The following USP24 variants were observed in gnomAD, a reference collection of about 807,000 sequenced individuals.
USP24 encodes the protein ubiquitin carboxyl-terminal hydrolase 24.
In USP24, 97 loss-of-function variants were observed where a neutral mutation model predicts 361.6. The ratio of observed to expected loss-of-function variants is 0.27; its 90% CI spans 0.23 to 0.32. The LOEUF (loss-of-function observed/expected upper bound fraction) is 0.32. Ranked by LOEUF, USP24 falls within the 10% of genes least tolerant of loss-of-function variation. USP24 has a pLI of 1.00. For synonymous variants in USP24, 1,098 were observed against 1,124.6 expected (o/e 0.98, Z 0.47); for missense variants, 2,353 against 3,165.6 (o/e 0.74, Z 6.16).
chr1:55,079,992 C>G (rs980021104), intron 59 of USP24, among the ~76,000 whole-genome samples: 1 of 152,010 alleles, frequency 6.6e-6, no homozygotes, highest in African/African-American at 2.4e-5. Context: ...GGGGGGATAC[C>G]TAGTGATTCC....
rs1007185129 is a variant in USP24, at chr1:55,169,220, T to TA, written c.825+2335dup. 4.0e-4 allele frequency among the ~76,000 whole-genome samples: 60 copies of TA among 151,884 alleles called. 1 individual carries two copies. The highest frequency in any genetic ancestry group is 1.3e-3 in the African/African-American group (55 of 41,446). ...TTAAACAGCAAAGTAGATATAAATT[T>TA]AAAAAAAATCCGTGAATTGTACTAC... is the stretch of plus-strand genomic sequence containing the variant. On this transcript the variant is annotated intron_variant, in intron 5 of 67. Coordinates refer to ENST00000294383, the MANE Select transcript of USP24 (RefSeq NM_015306.3).
chr1:55,195,991 T>C lies in USP24; in HGVS notation c.325-17859A>G, dbSNP rs1419540792. Reference sequence around the variant, plus strand: ...AAAAAGGGGGGACCCAGCCTCATCATAGTGAAAGGTAGCCTACCAAATGAA... The same window carrying C: ...AAAAAGGGGGGACCCAGCCTCATCACAGTGAAAGGTAGCCTACCAAATGAA... On this transcript the variant is annotated intron_variant, in intron 1 of 67. Coordinates refer to ENST00000294383, the MANE Select transcript of USP24 (RefSeq NM_015306.3). Among the ~76,000 whole-genome samples the C allele has an allele frequency of 3.9e-5, 6 of 152,206 alleles. 1 individual carries two copies. The highest frequency in any genetic ancestry group is 7.3e-5 in the Non-Finnish European group (5 of 68,038).
intron 21 of USP24, 82 bp downstream of exon 21, chr1:55,144,045 A>C (rs1026096888): frequency 1.7e-6 from 2 of 1,193,420 alleles, no homozygotes; most frequent in African/African-American, 1.6e-5. Flanking sequence ...GTTATCTCTC[A>C]ATTATAACAC....
chr1:55,089,956 G>A (rs1232763804), intron 54 of USP24, among the ~76,000 whole-genome samples: 2 of 152,116 alleles, frequency 1.3e-5, no homozygotes, highest in African/African-American at 4.8e-5. Flanking sequence ...TTGGCTCCTT[G>A]TGGTGTGGCT....
In USP24 at chr1:55,154,743, A is replaced by G; in HGVS notation, c.1482T>C (p.His494=). 1.2e-6 allele frequency: 2 copies of G among 1,613,372 alleles called. No homozygotes were observed. Among genetic ancestry groups the G allele is most frequent in the Non-Finnish European group, 1.7e-6 (2 of 1,179,572 alleles). ...GQSSTVIENI[H]TIIAAAAVKF... Reference sequence around the variant, plus strand: ...TCACAGCCGCTGCAGCAATAATAGTATGAATGTTCTCAATCACAGTAGATG... The same window carrying G: ...TCACAGCCGCTGCAGCAATAATAGTGTGAATGTTCTCAATCACAGTAGATG... The change falls in exon 13 of 68, where the codon CAT becomes CAC. Residue 494 remains histidine, a synonymous_variant. Coordinates refer to ENST00000294383, the MANE Select transcript of USP24 (RefSeq NM_015306.3).
At position 55,094,131 on chromosome 1, in the gene USP24, A is replaced by G. The variant is rs748630428; in HGVS notation, c.6204-44T>C. ...AAACTCTGTCTAGTATAAAGTGGCT[A>G]TTTTTTCAGTAGTTACTAAGACTTG... is the stretch of plus-strand genomic sequence containing the variant. On this transcript the variant is annotated intron_variant, in intron 51 of 67. Transcript: ENST00000294383. 38 of 1,560,434 alleles carry G rather than the reference A, an allele frequency of 2.4e-5. No homozygotes were observed. In the South Asian group the frequency reaches 2.8e-4, roughly 12 times the overall value.
At chr1:55,107,972 T>C (rs1645838036) in intron 39 of USP24, among the ~76,000 whole-genome samples, 1 of 151,356 alleles carries the variant, frequency 6.6e-6, no homozygotes, top group Admixed American at 6.6e-5. Context: ...GGTTGCCTCC[T>C]CTGTGCAGGT....
chr1:55,127,467 T>C (rs966378175), intron 32 of USP24, among the ~76,000 whole-genome samples: 4 of 152,198 alleles, frequency 2.6e-5, no homozygotes, highest in African/African-American at 4.8e-5. Context: ...CAGTCTATCA[T>C]TGTTGGACAT....
chr1:55,084,618 T>G (rs936589972), intron 56 of USP24, among the ~76,000 whole-genome samples: 1 of 152,222 alleles, frequency 6.6e-6, no homozygotes, highest in African/African-American at 2.4e-5. Context: ...CCATCCATCC[T>G]GTCACACCCA....
At position 55,075,665 on chromosome 1, in the gene USP24, ACACCAC is replaced by A. The variant is rs141765069; in HGVS notation, c.7381-148_7381-143del. ...AACAACAACAACAACAACAACAACA[ACACCAC>A]CACCACCAATACAGGACGGGCATGG... On this transcript the variant is annotated intron_variant, in intron 62 of 67. Coordinates refer to ENST00000294383, the MANE Select transcript of USP24 (RefSeq NM_015306.3). The A allele has an allele frequency of 3.5e-3, 2,064 of 595,322 alleles. 27 individuals carry two copies. In the African/African-American group the frequency reaches 0.039, roughly 11 times the overall value. 36.9% of individuals were successfully genotyped at this position (595,322 alleles called of 1,614,324 possible).
In USP24 at chr1:55,137,526, C is replaced by T; in HGVS notation, c.3190G>A (p.Ala1064Thr). 6.2e-7 allele frequency: 1 copy of T among 1,613,064 alleles called. No homozygotes were observed. Reference protein sequence around the residue: ...SSSGVFSSSYAMEQEKSLPGV... With the variant: ...SSSGVFSSSYTMEQEKSLPGV... ...TGATCACCCAGTACCTGCTCCATGG[C>T]ATATGAAGAACTAAAAACCCCACTG... Residue 1064 changes from alanine to threonine, a missense_variant, in exon 28 of 68, where the codon GCC (alanine) becomes ACC (threonine). This residue lies in a region of USP24 where 949 missense variants were observed against 1,280.5 expected (regional missense o/e 0.74). Transcript: ENST00000294383.
At chr1:55,133,636 CTCTTT>C (rs1156387179) in intron 30 of USP24, among the ~76,000 whole-genome samples, 8 of 105,942 alleles carry the variant, frequency 7.6e-5, no homozygotes, top group South Asian at 3.7e-4. Context: ...TTCTCTCTCT[CTCTTT>C]TTTTTTTTTT....
intron 32 of USP24, among the ~76,000 whole-genome samples, chr1:55,127,344 T>A (rs1380913276): frequency 1.3e-5 from 2 of 152,182 alleles, no homozygotes; most frequent in Non-Finnish European, 2.9e-5. Flanking sequence ...TGCAATAGTT[T>A]ACTGAGAATG....
chr1:55,114,870 C>T (rs1646059493), intron 38 of USP24, among the ~76,000 whole-genome samples: 1 of 152,086 alleles, frequency 6.6e-6, no homozygotes. Flanking sequence ...AAAGCAATGG[C>T]AATTATATCC....
In USP24 at chr1:55,166,445, C is replaced by T. The variant is rs528506620; in HGVS notation, c.861+123G>A. 75 of 927,674 alleles carry T rather than the reference C, an allele frequency of 8.1e-5. No individual in the cohort carries two copies. In the African/African-American group the frequency reaches 1.3e-3, roughly 16 times the overall value. The allele number at this position is 927,674 out of a possible 1,614,324, so 57.5% of individuals were successfully genotyped here. The stretch of plus-strand genomic sequence containing the variant: ...AAAAAGGAAGAAAATATGAAATCCA[C>T]TCCTTAAAGCATTTTTTTTATTATT... On this transcript the variant is annotated intron_variant, in intron 6 of 67. Coordinates refer to ENST00000294383, the MANE Select transcript of USP24 (RefSeq NM_015306.3).
intron 32 of USP24, among the ~76,000 whole-genome samples, chr1:55,127,484 T>C (rs1193721679): frequency 1.3e-5 from 2 of 152,202 alleles, no homozygotes; most frequent in African/African-American, 4.8e-5. Flanking sequence ...ACATTTGGAT[T>C]GGTTCCAAGT....
intron 26 of USP24, 24 bp downstream of exon 26, chr1:55,138,584 C>T: frequency 1.3e-6 from 2 of 1,504,850 alleles, no homozygotes; most frequent in Middle Eastern, 1.7e-4. Context: ...ATGAAAATGG[C>T]TGTAGTTCTT....
Position 55,068,985 on chromosome 1 carries a change from C to T in USP24, c.*60G>A. ...TCCAAAGGGTTCGAGATTCTGATTCCAAGAAGGTGCTGAGCATCCAGTATT... is the reference window on the plus strand; with the variant it reads ...TCCAAAGGGTTCGAGATTCTGATTCTAAGAAGGTGCTGAGCATCCAGTATT... On this transcript the variant is annotated 3_prime_UTR_variant, in exon 68 of 68. Transcript: ENST00000294383. The T allele has an allele frequency of 6.3e-7, 1 of 1,574,924 alleles. No homozygotes were observed. The highest frequency in any genetic ancestry group is 8.7e-7 in the Non-Finnish European group (1 of 1,145,452).
At position 55,120,701 on chromosome 1, in the gene USP24, G is replaced by A. The variant is rs1336740707; in HGVS notation, c.4403C>T (p.Ala1468Val). Reference sequence around the variant, plus strand: ...ATTTGGCTTCTGCACATCTGGATGCGCTGATGTGTCTGTCTGACTAAGAGT... The same window carrying A: ...ATTTGGCTTCTGCACATCTGGATGCACTGATGTGTCTGTCTGACTAAGAGT... ...LYTLSQTDTS[A>V]HPDVQKPNQF... is the part of the protein sequence containing the mutation. Residue 1468 changes from alanine to valine, a missense_variant, in exon 38 of 68, where the codon GCG (alanine) becomes GTG (valine). Transcript: ENST00000294383. 2.5e-6 allele frequency: 4 copies of A among 1,574,414 alleles called. No homozygotes were observed. Among genetic ancestry groups the A allele is most frequent in the African/African-American group, 1.3e-5 (1 of 74,202 alleles).
Sources: gnomAD v4.1 joint callset for allele counts (sites outside exome capture counted in the v4.1 genomes callset) on GRCh38, gnomAD v4.1.1 for gene constraint, gnomAD v4.1.1 regional missense constraint, MANE v1.5 for transcripts, NCBI Gene and HGNC (gene_info 2026-07-23, HGNC 2026-07-21) for gene names.